FER: variants seen among roughly 807,000 people sequenced by gnomAD.
FER encodes the protein tyrosine-protein kinase Fer.
FER carries 63 observed loss-of-function variants against 111.0 expected under a neutral mutation model. That is an observed-to-expected ratio of 0.57 (90% CI 0.46 to 0.70). The LOEUF is 0.70. Among genes scored for constraint, FER ranks in the 30% least tolerant of loss-of-function variants. The pLI, the probability that FER is intolerant of heterozygous loss-of-function variation, is 0.00. For missense variants in FER, 914 were observed against 954.0 expected (o/e 0.96, Z 0.55); for synonymous variants, 327 against 313.9 (o/e 1.04, Z -0.44).
Position 109,047,099 on chromosome 5 carries a change from T to C in FER, c.1830-5T>C. 1 of 1,487,610 alleles carries C rather than the reference T, an allele frequency of 6.7e-7. No homozygotes were observed. The highest frequency in any genetic ancestry group is 9.3e-7 in the Non-Finnish European group (1 of 1,078,306). 92.2% of individuals were successfully genotyped at this position (1,487,610 alleles called of 1,614,324 possible). On this transcript the variant is annotated splice_region_variant and splice_polypyrimidine_tract_variant and intron_variant, in intron 15 of 19. Coordinates refer to ENST00000281092, the MANE Select transcript of FER (RefSeq NM_005246.4). ...TAACTATTCGTATATTTTCATCTCATCTAGAATTCTCAAGCAATATGATCA... is the reference window on the plus strand; with the variant it reads ...TAACTATTCGTATATTTTCATCTCACCTAGAATTCTCAAGCAATATGATCA...
intron 16 of FER, among the ~76,000 whole-genome samples, chr5:109,057,436 C>G (rs1773793185): frequency 6.6e-6 from 1 of 152,076 alleles, no homozygotes; most frequent in Non-Finnish European, 1.5e-5. Flanking sequence ...GGTGATATCA[C>G]CACAGAATAT....
chr5:108,847,584 A>G (rs1198558560), intron 5 of FER, among the ~76,000 whole-genome samples: 1 of 152,110 alleles, frequency 6.6e-6, no homozygotes, highest in Non-Finnish European at 1.5e-5. Context: ...TACCTGTTGT[A>G]TCAGTTATTG....
chr5:109,174,463 C>T (rs1157728690), intron 17 of FER, among the ~76,000 whole-genome samples: 1 of 152,110 alleles, frequency 6.6e-6, no homozygotes, highest in Admixed American at 6.6e-5. Context: ...CATACCACCT[C>T]TATTGCCAAA....
intron 14 of FER, among the ~76,000 whole-genome samples, chr5:109,042,699 A>G (rs1771348878): frequency 6.6e-6 from 1 of 152,186 alleles, no homozygotes; most frequent in African/African-American, 2.4e-5. Context: ...TTTTGGGAAA[A>G]TCAAGAAAGT....
rs759262810 is a variant in FER, at chr5:108,871,444, A to G, written c.745A>G (p.Met249Val). 4.5e-5 allele frequency: 72 copies of G among 1,611,536 alleles called. No homozygotes were observed. Among genetic ancestry groups the G allele is most frequent in the Non-Finnish European group, 5.4e-5 (64 of 1,178,214 alleles). ...AGTGAATGTCCATAAAGAGATTCAA[A>G]TGTCGGTTGAACAGATAGATCCTAG... The part of the protein sequence containing the change: ...EIVNVHKEIQ[M>V]SVEQIDPSTE... The change falls in exon 7 of 20, where the codon ATG becomes GTG. Residue 249 changes from methionine to valine, a missense_variant. By Grantham distance (21) the Met-to-Val change is conservative (BLOSUM62 1). This residue lies in a region of FER where 774 missense variants were observed against 782.6 expected (regional missense o/e 0.99). Coordinates refer to ENST00000281092, the MANE Select transcript of FER (RefSeq NM_005246.4).
chr5:108,924,528 G>T (rs980813900), intron 10 of FER: 31 of 1,055,696 alleles, frequency 2.9e-5, no homozygotes, highest in Non-Finnish European at 3.5e-5. Flanking sequence ...CATGCCAACA[G>T]GGGGAGATAG....
chr5:108,862,803 G>A (rs1763657319), intron 5 of FER, among the ~76,000 whole-genome samples: 1 of 151,334 alleles, frequency 6.6e-6, no homozygotes, highest in Non-Finnish European at 1.5e-5. Flanking sequence ...ATTTCAAGTA[G>A]TTAACAGAAA....
At chr5:109,060,407 C>G (rs180778862) in intron 16 of FER, among the ~76,000 whole-genome samples, 4 of 152,284 alleles carry the variant, frequency 2.6e-5, no homozygotes, top group Non-Finnish European at 4.4e-5. Context: ...TTTAACCTCT[C>G]TGTGCCTTAG....
At chr5:108,795,346 A>G (rs10060694) in intron 2 of FER, among the ~76,000 whole-genome samples, 65,812 of 150,240 alleles carry the variant, frequency 0.44, 16,372 homozygotes, top group African/African-American at 0.69. Context: ...CCCTTTTGAG[A>G]CTATTTTCTA....
chr5:108,964,365 G>A (rs1471859580), intron 13 of FER, among the ~76,000 whole-genome samples: 7 of 152,152 alleles, frequency 4.6e-5, no homozygotes, highest in Non-Finnish European at 7.4e-5. Context: ...GGAGTTATCT[G>A]TGTGGTTGTA....
At chr5:108,982,670 A>T (rs1399804123) in intron 13 of FER, among the ~76,000 whole-genome samples, 2 of 152,114 alleles carry the variant, frequency 1.3e-5, no homozygotes, top group African/African-American at 4.8e-5. Context: ...AGTAAAGTTC[A>T]TCTTTGTAAG....
At chr5:109,023,662 CTTT>C (rs202160689) in intron 13 of FER, among the ~76,000 whole-genome samples, 1 of 148,264 alleles carries the variant, frequency 6.7e-6, no homozygotes, top group African/African-American at 2.5e-5. Flanking sequence ...TTTTTTGTAA[CTTT>C]TTTTTTTTAA....
chr5:109,140,408 C>A (rs1283121722), intron 17 of FER, among the ~76,000 whole-genome samples: 1 of 152,076 alleles, frequency 6.6e-6, no homozygotes, highest in Non-Finnish European at 1.5e-5. Flanking sequence ...CATCTGCATT[C>A]CATGGAAAAA....
At chr5:108,783,545 CTAATA>C (rs1456659944) in intron 2 of FER, among the ~76,000 whole-genome samples, 1 of 152,016 alleles carries the variant, frequency 6.6e-6, no homozygotes, top group African/African-American at 2.4e-5. Context: ...AATATTTTGT[CTAATA>C]TGTTAGGAGA....
intron 3 of FER, among the ~76,000 whole-genome samples, chr5:108,831,980 T>A (rs973195042): frequency 8.6e-5 from 13 of 151,604 alleles, no homozygotes; most frequent in Admixed American, 5.3e-4. Context: ...CTTTTTTTTT[T>A]AAAAGTATGT....
At chr5:108,819,106 C>G (rs1580709298) in intron 3 of FER, among the ~76,000 whole-genome samples, 2 of 151,838 alleles carry the variant, frequency 1.3e-5, no homozygotes, top group Non-Finnish European at 1.5e-5. Flanking sequence ...GCCTTTAACT[C>G]CTGGGCTTAA....
At chr5:108,939,120 GT>G (rs1199567644) in intron 10 of FER, among the ~76,000 whole-genome samples, 1 of 151,954 alleles carries the variant, frequency 6.6e-6, no homozygotes, top group East Asian at 1.9e-4. Flanking sequence ...CTTTTGAGCA[GT>G]TGTTTTATTT....
At chr5:109,012,236 G>C (rs1766373587) in intron 13 of FER, among the ~76,000 whole-genome samples, 1 of 152,216 alleles carries the variant, frequency 6.6e-6, no homozygotes, top group Non-Finnish European at 1.5e-5. Flanking sequence ...ATTTAGTAAA[G>C]ATCATGATTA....
intron 16 of FER, among the ~76,000 whole-genome samples, chr5:109,053,815 C>T (rs1164516205): frequency 1.3e-5 from 2 of 151,336 alleles, no homozygotes; most frequent in African/African-American, 4.9e-5. Context: ...CTCAGCCTCC[C>T]GAGTAGCTGG....
Sources: gnomAD v4.1 joint callset for allele counts (sites outside exome capture counted in the v4.1 genomes callset) on GRCh38, gnomAD v4.1.1 for gene constraint, gnomAD v4.1.1 regional missense constraint, MANE v1.5 for transcripts, NCBI Gene and HGNC (gene_info 2026-07-23, HGNC 2026-07-21) for gene names.